SNX8: variants seen among roughly 807,000 people sequenced by gnomAD.
SNX8 encodes sorting nexin 8.
In SNX8, 25 loss-of-function variants were observed where a neutral mutation model predicts 51.6. The ratio of observed to expected loss-of-function variants is 0.48; its 90% CI spans 0.35 to 0.68. The LOEUF is 0.68. Among genes scored for constraint, SNX8 ranks in the 30% least tolerant of loss-of-function variants. SNX8 has a pLI of 0.00. For missense variants in SNX8, 695 were observed against 624.0 expected, an observed-to-expected ratio of 1.11 and a Z score of -1.21; for synonymous variants, 324 against 277.0, an observed-to-expected ratio of 1.17 and a Z score of -1.68.
At chr7:2,295,390 G>A (rs1167245016) in intron 1 of SNX8, among the ~76,000 whole-genome samples, 1 of 130,372 alleles carries the variant, frequency 7.7e-6, no homozygotes, top group Non-Finnish European at 1.6e-5. Flanking sequence ...GTAACAGAGG[G>A]ATACTCCATC....
chr7:2,256,844 G>C, intron 10 of SNX8, 30 bp downstream of exon 10: 6 of 1,595,218 alleles, frequency 3.8e-6, no homozygotes, highest in Non-Finnish European at 5.1e-6. Context: ...GGCCGTGGCC[G>C]AGACGGCGGC....
chr7:2,329,603 G>C (rs1778693474), intron 1 of SNX8, among the ~76,000 whole-genome samples: 1 of 152,130 alleles, frequency 6.6e-6, no homozygotes, highest in African/African-American at 2.4e-5. Flanking sequence ...CCTTAAGACT[G>C]TGGGTCTTAA....
chr7:2,317,311 C>T (rs913742064), upstream of SNX8, among the ~76,000 whole-genome samples: 27 of 101,172 alleles, frequency 2.7e-4, no homozygotes, highest in African/African-American at 9.9e-4. Flanking sequence ...CAGAGTCTCA[C>T]TCTGTTGCCT....
chr7:2,342,646 T>A (rs1169048449), intron 1 of SNX8, among the ~76,000 whole-genome samples: 1 of 145,422 alleles, frequency 6.9e-6, no homozygotes, highest in Non-Finnish European at 1.5e-5. Context: ...AGAGCGAGAC[T>A]CCATCTCCCA....
At chr7:2,347,991 C>A (rs1159903498) in intron 1 of SNX8, among the ~76,000 whole-genome samples, 4 of 152,086 alleles carry the variant, frequency 2.6e-5, no homozygotes, top group Non-Finnish European at 5.9e-5. Context: ...CTCCAAGTGC[C>A]CTGCGAGATT....
chr7:2,293,913 C>T (rs1232327457), intron 1 of SNX8, among the ~76,000 whole-genome samples: 3 of 151,422 alleles, frequency 2.0e-5, no homozygotes, highest in African/African-American at 7.3e-5. Context: ...TTGCAGTGAG[C>T]CGAGATCACA....
chr7:2,254,886 A>C lies in SNX8; in HGVS notation c.*170T>G. On this transcript the variant is annotated 3_prime_UTR_variant, in exon 11 of 11. Coordinates refer to ENST00000222990, the MANE Select transcript of SNX8 (RefSeq NM_013321.4). ...AGGACAGTGTGGCCCAGCTGCCCCC[A>C]TGGTCCACGGATGCGCCTCCCGACC... 1.6e-6 allele frequency: 1 copy of C among 630,350 alleles called. No homozygotes were observed. The highest frequency in any genetic ancestry group is 2.9e-6 in the Non-Finnish European group (1 of 346,232). 39.0% of individuals were successfully genotyped at this position (630,350 alleles called of 1,614,324 possible). A position where few individuals can be genotyped will look rare whatever the true frequency, so the allele number is the denominator to read the frequency against.
intron 1 of SNX8, among the ~76,000 whole-genome samples, chr7:2,326,777 C>T (rs2115230243): frequency 6.6e-6 from 1 of 151,968 alleles, no homozygotes; most frequent in African/African-American, 2.4e-5. Context: ...AGGTAATTCA[C>T]CATATATATT....
At chr7:2,258,101 C>T (rs1436561668) in intron 7 of SNX8, among the ~76,000 whole-genome samples, 1 of 151,832 alleles carries the variant, frequency 6.6e-6, no homozygotes, top group East Asian at 1.9e-4. Context: ...AGCTCCGCCT[C>T]CCGGGTTCAC....
chr7:2,339,348 G>C (rs1778882711), intron 1 of SNX8, among the ~76,000 whole-genome samples: 1 of 152,008 alleles, frequency 6.6e-6, no homozygotes, highest in Non-Finnish European at 1.5e-5. Context: ...TGGGACTACA[G>C]GCACGTGCCA....
chr7:2,343,653 C>T (rs532647737), intron 1 of SNX8, among the ~76,000 whole-genome samples: 4 of 151,916 alleles, frequency 2.6e-5, no homozygotes, highest in Middle Eastern at 3.4e-3. Flanking sequence ...CCAGCCTAGG[C>T]GACAGAGTAA....
chr7:2,350,673 G>T lies in SNX8; in HGVS notation c.-66+3549C>A, dbSNP rs187210526. On this transcript the variant is annotated intron_variant, in intron 1 of 5. Transcript: ENST00000435336. ...AACAATTTTTTTTTTTTGACACAGA[G>T]TCTCACTCTGTCATTTAGGTTGGAG... Among the ~76,000 whole-genome samples the T allele has an allele frequency of 2.0e-4, 31 of 151,984 alleles. 1 individual carries two copies. The South Asian group carries it at 2.7e-3, about 13-fold the overall frequency.
intron 9 of SNX8, 29 bp downstream of exon 9, chr7:2,257,336 C>G (rs1554261580): frequency 6.3e-7 from 1 of 1,592,366 alleles, no homozygotes; most frequent in Non-Finnish European, 8.5e-7. Flanking sequence ...AAGGCTCCCA[C>G]GGGCCTGCTC....
At chr7:2,321,257 C>A (rs576209143) in intron 1 of SNX8, among the ~76,000 whole-genome samples, 1 of 152,092 alleles carries the variant, frequency 6.6e-6, no homozygotes, top group African/African-American at 2.4e-5. Flanking sequence ...TCCAGAATGC[C>A]GACAGGAGAG....
At chr7:2,343,792 G>A (rs1583126875) in intron 1 of SNX8, among the ~76,000 whole-genome samples, 1 of 152,084 alleles carries the variant, frequency 6.6e-6, no homozygotes, top group Non-Finnish European at 1.5e-5. Context: ...GCCAAAGGGG[G>A]CCGATCACTT....
intron 7 of SNX8, among the ~76,000 whole-genome samples, chr7:2,260,800 C>T (rs942151910): frequency 6.6e-6 from 1 of 152,212 alleles, no homozygotes; most frequent in Non-Finnish European, 1.5e-5. Context: ...CTTCTCCAGA[C>T]ATCACAGTCC....
intron 1 of SNX8, among the ~76,000 whole-genome samples, chr7:2,331,184 C>CAAAAAAAAA (rs71023397): frequency 1.2e-4 from 9 of 76,510 alleles, no homozygotes; most frequent in Admixed American, 3.3e-4. Flanking sequence ...GACTCTGTCT[C>CAAAAAAAAA]AAAAAAAAAA....
At chr7:2,258,977 G>A (rs1795269400) in intron 7 of SNX8, among the ~76,000 whole-genome samples, 1 of 152,070 alleles carries the variant, frequency 6.6e-6, no homozygotes, top group Non-Finnish European at 1.5e-5. Context: ...CCACCCAGAC[G>A]CTGCCTCGGC....
intron 10 of SNX8, among the ~76,000 whole-genome samples, 191 bp from the exon 11 acceptor site, chr7:2,255,360 G>A (rs964740573): frequency 1.3e-5 from 2 of 152,156 alleles, no homozygotes; most frequent in Non-Finnish European, 2.9e-5. Context: ...GTGGACCAGC[G>A]ACATGTGACC....
Sources: allele counts gnomAD v4.1 joint callset (sites outside exome capture counted in the v4.1 genomes callset), GRCh38; gene constraint gnomAD v4.1.1; transcripts MANE v1.5; gene names NCBI Gene and HGNC (gene_info 2026-07-23, HGNC 2026-07-21).